The following FSIP2 variants were observed in gnomAD, a reference collection of about 807,000 sequenced individuals.
The protein encoded by FSIP2 is fibrous sheath-interacting protein 2.
Under a neutral mutation model 510.5 loss-of-function variants are expected in FSIP2, and 367 were observed. The ratio of observed to expected loss-of-function variants is 0.72; its 90% CI spans 0.66 to 0.78. The LOEUF is 0.78. Among genes scored for constraint, FSIP2 ranks in the 30% least tolerant of loss-of-function variants. FSIP2 has a pLI of 0.00. For missense variants in FSIP2, 7,594 were observed against 7,901.7 expected (o/e 0.96, Z 1.48); for synonymous variants, 2,601 against 2,732.2 (o/e 0.95, Z 1.50).
At chr2:185,815,601 A>G in intron 19 of FSIP2, 130 bp downstream of exon 19, 1 of 504,406 alleles carries the variant, frequency 2.0e-6, no homozygotes, top group Non-Finnish European at 3.5e-6. Flanking sequence ...TCTTCCCTTC[A>G]GTGGCACCCT....
rs1213262538 is a variant in FSIP2 at position 185,739,004 on chromosome 2, G to C, written c.99+11G>C. 4 of 1,529,878 alleles carry C rather than the reference G, an allele frequency of 2.6e-6. No individual in the cohort carries two copies. Among genetic ancestry groups the C allele is most frequent in the East Asian group, 4.9e-5 (2 of 40,830 alleles). The allele number at this position is 1,529,878 out of a possible 1,614,324, so 94.8% of individuals were successfully genotyped here. A position where few individuals can be genotyped will look rare whatever the true frequency, so the allele number is the denominator to read the frequency against. ...CAGCAGTGCAGAGACGTGAGTGGCCGCAAGCTGGGCGGCGTCGCCCTCTGG... is the reference window on the plus strand; with the variant it reads ...CAGCAGTGCAGAGACGTGAGTGGCCCCAAGCTGGGCGGCGTCGCCCTCTGG... On this transcript the variant is annotated intron_variant, in intron 1 of 22. Coordinates refer to ENST00000424728, the MANE Select transcript of FSIP2 (RefSeq NM_173651.4).
chr2:185,828,247 C>G (rs1694049581), intron 21 of FSIP2, 48 bp downstream of exon 21: 2 of 994,668 alleles, frequency 2.0e-6, no homozygotes, highest in Admixed American at 1.9e-5. Flanking sequence ...GGAGCTAGTT[C>G]AGAACAACTC....
At chr2:185,809,995 TGGCATGCATTTGTGGGA>T (rs1394236609) in intron 17 of FSIP2, among the ~76,000 whole-genome samples, 1 of 152,116 alleles carries the variant, frequency 6.6e-6, no homozygotes, top group Non-Finnish European at 1.5e-5. Flanking sequence ...CTTTAACTGA[TGGCATGCATTTGTGGGA>T]GGGCTGAGTA....
chr2:185,777,441 G>A (rs1266211955), intron 13 of FSIP2, among the ~76,000 whole-genome samples: 2 of 138,726 alleles, frequency 1.4e-5, no homozygotes, highest in Admixed American at 1.5e-4. Flanking sequence ...GACCTGAAGT[G>A]CAATGATTAA....
chr2:185,738,699 C>A (rs1691838520), upstream of FSIP2: 2 of 1,536,080 alleles, frequency 1.3e-6, no homozygotes, highest in Non-Finnish European at 1.7e-6. Context: ...GGGCGCTCTA[C>A]GCGCTGGCGC....
At chr2:185,832,613 T>G (rs913535653) in intron 22 of FSIP2, among the ~76,000 whole-genome samples, 1 of 151,692 alleles carries the variant, frequency 6.6e-6, no homozygotes. Flanking sequence ...TTTGTTAAAC[T>G]GAGATGATTA....
chr2:185,783,122 C>T (rs1692891482), intron 14 of FSIP2, among the ~76,000 whole-genome samples: 1 of 152,034 alleles, frequency 6.6e-6, no homozygotes, highest in Non-Finnish European at 1.5e-5. Context: ...AGATTATTGG[C>T]TGTCTAAGGC....
At chr2:185,827,369 T>C (rs1694032109) in intron 20 of FSIP2, among the ~76,000 whole-genome samples, 1 of 151,840 alleles carries the variant, frequency 6.6e-6, no homozygotes, top group African/African-American at 2.4e-5. Context: ...TCTTATATGA[T>C]ATCTTGAGAA....
rs372670128 is a variant in FSIP2, at chr2:185,805,476, T to A, written c.16170T>A (p.Ser5390=). 1.5e-5 allele frequency: 24 copies of A among 1,611,698 alleles called. No homozygotes were observed. The highest frequency in any genetic ancestry group is 2.0e-5 in the Non-Finnish European group (23 of 1,178,480). ...MIAALTQKAI[S]AFRIQPLFSG... is the part of the protein sequence containing the mutation. Reference sequence around the variant, plus strand: ...CTGCTCTAACCCAGAAGGCAATATCTGCATTCAGGATTCAACCACTTTTTT... The same window carrying A: ...CTGCTCTAACCCAGAAGGCAATATCAGCATTCAGGATTCAACCACTTTTTT... Residue 5390 remains serine, a synonymous_variant, in exon 17 of 23, where the codon TCT becomes TCA. Coordinates refer to ENST00000424728, the MANE Select transcript of FSIP2 (RefSeq NM_173651.4).
intron 2 of FSIP2, among the ~76,000 whole-genome samples, chr2:185,742,470 T>C (rs1399849741): frequency 6.6e-6 from 1 of 152,164 alleles, no homozygotes; most frequent in African/African-American, 2.4e-5. Flanking sequence ...ATAGAAAAAC[T>C]TCAATTTCTA....
chr2:185,781,059 A>ATTTTTT (rs61546803), intron 13 of FSIP2, among the ~76,000 whole-genome samples: 1 of 145,594 alleles, frequency 6.9e-6, no homozygotes. Context: ...CTGTGGCATG[A>ATTTTTT]TTTTTTTTTT....
intron 8 of FSIP2, among the ~76,000 whole-genome samples, chr2:185,755,737 C>A (rs1216977080): frequency 6.6e-6 from 1 of 151,448 alleles, no homozygotes; most frequent in Non-Finnish European, 1.5e-5. Flanking sequence ...CAGTGAGGAC[C>A]TTTTGCCACC....
Position 185,790,351 on chromosome 2 carries a change from C to T in FSIP2, c.3215C>T (p.Pro1072Leu). 1 of 1,532,580 alleles carries T rather than the reference C, an allele frequency of 6.5e-7. No homozygotes were observed. Among genetic ancestry groups the T allele is most frequent in the Non-Finnish European group, 8.7e-7 (1 of 1,145,150 alleles). The allele number at this position is 1,532,580 out of a possible 1,614,324, so 94.9% of individuals were successfully genotyped here. A position where few individuals can be genotyped will look rare whatever the true frequency, so the allele number is the denominator to read the frequency against. ...AFHDWELKTE[P>L]PSTNHEDILK... ...CATGATTGGGAATTAAAGACTGAGC[C>T]ACCATCTACTAATCATGAAGATATT... Residue 1072 changes from proline to leucine, a missense_variant, in exon 16 of 23, where the codon CCA (proline) becomes CTA (leucine). Coordinates refer to ENST00000424728, the MANE Select transcript of FSIP2 (RefSeq NM_173651.4).
chr2:185,738,953 T>C lies in FSIP2; in HGVS notation c.59T>C (p.Val20Ala), dbSNP rs1433185638. ...KPAKVAVTKT[V>A]ASVLAADTQQ... ...GCCAAAGTCGCCGTCACCAAGACGG[T>C]CGCCAGCGTCCTGGCCGCGGACACC... The change falls in exon 1 of 23, where the codon GTC becomes GCC. Residue 20 changes from valine to alanine, a missense_variant. Physicochemically the swap from Val to Ala is moderately conservative, Grantham distance 64. Transcript: ENST00000424728. 1.3e-6 allele frequency: 2 copies of C among 1,533,926 alleles called. No homozygotes were observed. Among genetic ancestry groups the C allele is most frequent in the Admixed American group, 3.9e-5 (2 of 50,982 alleles).
intron 12 of FSIP2, among the ~76,000 whole-genome samples, chr2:185,763,981 C>A (rs1200373240): frequency 1.3e-5 from 2 of 151,432 alleles, no homozygotes; most frequent in African/African-American, 4.8e-5. Context: ...CACTGTTCTA[C>A]CATATCAATA....
chr2:185,796,775 TGTA>T lies in FSIP2; in HGVS notation c.9641_9643del (p.Val3214del). 6.5e-7 allele frequency: 1 copy of T among 1,535,078 alleles called. No homozygotes were observed. Among genetic ancestry groups the T allele is most frequent in the Non-Finnish European group, 8.7e-7 (1 of 1,146,272 alleles). ...ATTTACCCACCTCTGTCAGATCCTC[TGTA>T]GAAGACACAGTTAAAAACTCAGAGC... On this transcript the variant is annotated inframe_deletion, in exon 16 of 23. Transcript: ENST00000424728.
At position 185,800,338 on chromosome 2, in the gene FSIP2, T is replaced by C. The variant is rs536346192; in HGVS notation, c.11032T>C (p.Cys3678Arg). ...FQKNKLSYLACKLNSLVGNLK... is the reference protein window; with the variant it reads ...FQKNKLSYLARKLNSLVGNLK... ...AAAAAATAAGTTAAGTTATCTTGCA[T>C]GTAAGTTAAACAGCCTGGTTGGTAA... Residue 3678 changes from cysteine (C) to arginine (R), a missense_variant, in exon 17 of 23, where the codon TGT (cysteine) becomes CGT (arginine). By Grantham distance (180) the Cys-to-Arg change is radical (BLOSUM62 -3). Coordinates refer to ENST00000424728, the MANE Select transcript of FSIP2 (RefSeq NM_173651.4). The C allele has an allele frequency of 5.2e-6, 8 of 1,532,868 alleles. No individual in the cohort carries two copies. The African/African-American group carries it at 5.5e-5, about 11-fold the overall frequency. The allele number at this position is 1,532,868 out of a possible 1,614,324, so 95.0% of individuals were successfully genotyped here.
At position 185,806,660 on chromosome 2, in the gene FSIP2, A is replaced by C. The variant is rs372952727; in HGVS notation, c.17354A>C (p.Lys5785Thr). 39 of 1,602,114 alleles carry C rather than the reference A, an allele frequency of 2.4e-5. No individual in the cohort carries two copies. The highest frequency in any genetic ancestry group is 3.5e-5 in the Admixed American group (2 of 57,054). The part of the protein sequence containing the change: ...RESKPGIFPA[K>T]FLEDVITEMV... The stretch of plus-strand genomic sequence containing the variant: ...AGTAAACCTGGAATTTTTCCCGCTA[A>C]GTTTTTAGAAGATGTTATTACTGAG... The change falls in exon 17 of 23, where the codon AAG becomes ACG. Residue 5785 changes from lysine to threonine, a missense_variant. Physicochemically the swap from Lys to Thr is moderately conservative, Grantham distance 78. Coordinates refer to ENST00000424728, the MANE Select transcript of FSIP2 (RefSeq NM_173651.4).
At chr2:185,766,864 C>T (rs1190615029) in intron 13 of FSIP2, among the ~76,000 whole-genome samples, 6 of 124,554 alleles carry the variant, frequency 4.8e-5, no homozygotes, top group Admixed American at 8.1e-5. Flanking sequence ...AAGACACACG[C>T]ACACGTATGT....
Sources: gnomAD v4.1 joint callset for allele counts (sites outside exome capture counted in the v4.1 genomes callset) on GRCh38, gnomAD v4.1.1 for gene constraint, MANE v1.5 for transcripts, NCBI Gene and HGNC (gene_info 2026-07-23, HGNC 2026-07-21) for gene names.